Variants in ADGRL3 observed in about 807,000 individuals in gnomAD.
The protein encoded by ADGRL3 is calcium-independent alpha-latrotoxin receptor 3.
ADGRL3 carries 62 observed loss-of-function variants against 153.5 expected under a neutral mutation model. The ratio of observed to expected loss-of-function variants is 0.40; its 90% confidence interval spans 0.33 to 0.50. The LOEUF (loss-of-function observed/expected upper bound fraction) is 0.50. Among genes scored for constraint, ADGRL3 ranks in the 20% least tolerant of loss-of-function variants. ADGRL3 has a pLI of 0.47. For synonymous variants in ADGRL3, 710 were observed against 672.5 expected, an observed-to-expected ratio of 1.06 and a Z score of -0.86; for missense variants, 1,641 against 1,859.4, an observed-to-expected ratio of 0.88 and a Z score of 2.16.
At chr4:61,662,537 C>T (rs1273054216) in intron 5 of ADGRL3, among the ~76,000 whole-genome samples, 2 of 152,140 alleles carry the variant, frequency 1.3e-5, no homozygotes, top group Non-Finnish European at 2.9e-5. Context: ...GGGAGGGAGG[C>T]CAAAGGTGGG....
intron 5 of ADGRL3, among the ~76,000 whole-genome samples, chr4:61,662,753 CT>C (rs1418880047): frequency 7.9e-5 from 12 of 152,198 alleles, no homozygotes; most frequent in Admixed American, 5.9e-4. Flanking sequence ...GGAGTGAGAA[CT>C]TATGGAGCTT....
intron 1 of ADGRL3, among the ~76,000 whole-genome samples, chr4:61,280,468 C>T (rs985267976): frequency 7.9e-5 from 12 of 152,150 alleles, no homozygotes; most frequent in African/African-American, 2.9e-4. Flanking sequence ...GGTGTTACTT[C>T]TTCTCCCTAA....
chr4:61,593,801 T>TCTGC (rs1447990322), intron 5 of ADGRL3, among the ~76,000 whole-genome samples: 1 of 152,168 alleles, frequency 6.6e-6, no homozygotes, highest in African/African-American at 2.4e-5. Flanking sequence ...TTGAGTTATA[T>TCTGC]CTGCCTGCTG....
intron 6 of ADGRL3, among the ~76,000 whole-genome samples, chr4:61,709,727 C>A (rs1294809376): frequency 1.3e-5 from 2 of 152,140 alleles, no homozygotes; most frequent in Non-Finnish European, 2.9e-5. Flanking sequence ...TCCAATACAA[C>A]ATTTATTGAA....
At chr4:61,298,436 C>A (rs1016443184) in intron 1 of ADGRL3, among the ~76,000 whole-genome samples, 6 of 152,278 alleles carry the variant, frequency 3.9e-5, no homozygotes, top group African/African-American at 1.4e-4. Flanking sequence ...TGAATCATTT[C>A]ATTAAACAAA....
intron 1 of ADGRL3, among the ~76,000 whole-genome samples, chr4:61,337,016 G>C (rs1440152081): frequency 6.6e-6 from 1 of 151,828 alleles, no homozygotes; most frequent in African/African-American, 2.4e-5. Context: ...GGCTAAATTT[G>C]AGGCTAATTT....
intron 4 of ADGRL3, among the ~76,000 whole-genome samples, chr4:61,557,628 C>T (rs890452573): frequency 1.3e-5 from 2 of 152,124 alleles, no homozygotes; most frequent in African/African-American, 4.8e-5. Flanking sequence ...AGGCTGACTG[C>T]CTTTCACTCT....
At chr4:61,619,411 T>C (rs1356234293) in intron 5 of ADGRL3, among the ~76,000 whole-genome samples, 3 of 152,112 alleles carry the variant, frequency 2.0e-5, no homozygotes, top group African/African-American at 2.4e-5. Flanking sequence ...GAAGGAGATA[T>C]TGATATTATT....
chr4:61,630,718 G>A (rs1449854578), intron 5 of ADGRL3, among the ~76,000 whole-genome samples: 1 of 152,230 alleles, frequency 6.6e-6, no homozygotes, highest in Non-Finnish European at 1.5e-5. Context: ...TGGTTAGGTT[G>A]TAAATCATGG....
intron 17 of ADGRL3, among the ~76,000 whole-genome samples, chr4:61,963,051 G>T (rs1322951085): frequency 6.6e-6 from 1 of 151,934 alleles, no homozygotes; most frequent in East Asian, 1.9e-4. Flanking sequence ...ACACCCTAGA[G>T]GAAGTGACAT....
rs553993493 is a variant in ADGRL3 at position 61,907,592 on chromosome 4, G to GAT, written c.1888-1959_1888-1958dup. ...ATATGTATATATATGATATATACAT[G>GAT]ATATATATATGATATATGTATATAC... is the stretch of plus-strand genomic sequence containing the variant. On this transcript the variant is annotated intron_variant, in intron 11 of 26. Transcript: ENST00000683033. Among the ~76,000 whole-genome samples, 85 of 149,958 alleles carry GAT rather than the reference G, an allele frequency of 5.7e-4. 1 individual carries two copies. The highest frequency in any genetic ancestry group is 1.8e-3 in the African/African-American group (72 of 40,808).
At chr4:61,551,352 T>A (rs2098739580) in intron 4 of ADGRL3, among the ~76,000 whole-genome samples, 1 of 152,144 alleles carries the variant, frequency 6.6e-6, no homozygotes, top group South Asian at 2.1e-4. Context: ...TCAGAATGTA[T>A]CATTTCAGCT....
chr4:61,701,207 A>G (rs2095752257), intron 6 of ADGRL3, among the ~76,000 whole-genome samples: 1 of 152,166 alleles, frequency 6.6e-6, no homozygotes, highest in African/African-American at 2.4e-5. Context: ...GTCAAAGTTC[A>G]GCTAATGCAG....
intron 13 of ADGRL3, among the ~76,000 whole-genome samples, chr4:61,923,232 G>A (rs975241353): frequency 1.3e-5 from 2 of 152,138 alleles, no homozygotes; most frequent in African/African-American, 4.8e-5. Context: ...AACGACTTTG[G>A]CTACAAACTT....
chr4:61,903,402 C>A (rs1188918289), intron 11 of ADGRL3, among the ~76,000 whole-genome samples: 1 of 152,064 alleles, frequency 6.6e-6, no homozygotes, highest in Non-Finnish European at 1.5e-5. Flanking sequence ...CTTTTATGCA[C>A]CTCGTCCCAA....
chr4:61,578,495 T>C (rs2149247786), intron 4 of ADGRL3, among the ~76,000 whole-genome samples: 1 of 152,236 alleles, frequency 6.6e-6, no homozygotes, highest in East Asian at 1.9e-4. Context: ...TAATAATTTT[T>C]AAGATTAATT....
At chr4:61,536,878 A>G (rs2098659906) in intron 4 of ADGRL3, among the ~76,000 whole-genome samples, 1 of 152,016 alleles carries the variant, frequency 6.6e-6, no homozygotes, top group African/African-American at 2.4e-5. Flanking sequence ...GGCTTTTTAT[A>G]TTCAAAGTTA....
chr4:61,966,679 A>G (rs1343502919), intron 17 of ADGRL3, among the ~76,000 whole-genome samples: 1 of 152,090 alleles, frequency 6.6e-6, no homozygotes, highest in Non-Finnish European at 1.5e-5. Context: ...ATGAGCCCAG[A>G]AAACTCTGTT....
intron 4 of ADGRL3, among the ~76,000 whole-genome samples, chr4:61,568,741 A>T (rs2098826559): frequency 6.6e-6 from 1 of 152,094 alleles, no homozygotes; most frequent in Non-Finnish European, 1.5e-5. Context: ...TATATCCTTC[A>T]TGATCCCTTT....
Sources: allele counts gnomAD v4.1 joint callset (sites outside exome capture counted in the v4.1 genomes callset), GRCh38; gene constraint gnomAD v4.1.1; transcripts MANE v1.5; gene names NCBI Gene and HGNC (gene_info 2026-07-23, HGNC 2026-07-21).